ADGRG1: variants seen among roughly 807,000 people sequenced by gnomAD.
ADGRG1 encodes the protein adhesion G protein-coupled receptor G1, also known as 7-transmembrane protein with no EGF-like N-terminal domains-1.
Under a neutral mutation model 73.5 loss-of-function variants are expected in ADGRG1, and 53 were observed. The ratio of observed to expected loss-of-function variants is 0.72; its 90% CI spans 0.58 to 0.91. The LOEUF (loss-of-function observed/expected upper bound fraction) is 0.91. Among genes scored for constraint, ADGRG1 ranks in the 40% least tolerant of loss-of-function variants. ADGRG1 has a pLI of 0.00. For synonymous variants in ADGRG1, 394 were observed against 374.4 expected, an observed-to-expected ratio of 1.05 and a Z score of -0.60; for missense variants, 795 against 871.8, an observed-to-expected ratio of 0.91 and a Z score of 1.11.
At chr16:57,640,906 C>T in intron 1 of ADGRG1, 1 of 985,544 alleles carries the variant, frequency 1.0e-6, no homozygotes, top group Non-Finnish European at 1.2e-6. Context: ...ACTGGGCTGA[C>T]CTTGCGGGCC....
chr16:57,661,563 A>G (rs1398287382), intron 12 of ADGRG1, 134 bp from the exon 13 acceptor site: 4 of 1,507,368 alleles, frequency 2.7e-6, no homozygotes, highest in East Asian at 2.5e-5. Flanking sequence ...TTAAAATTAC[A>G]TCAACACTGT....
At chr16:57,651,101 G>GGCTCCAGGTTCACATGTACTCA in intron 2 of ADGRG1, 99 bp from the exon 3 acceptor site, 1 of 1,602,026 alleles carries the variant, frequency 6.2e-7, no homozygotes, top group Non-Finnish European at 8.5e-7. Context: ...GTGAATCTCA[G>GGCTCCAGGTTCACATGTACTCA]GCTCCAGGTT....
At chr16:57,624,222 G>C, upstream of ADGRG1, 1 of 961,594 alleles carries the variant, frequency 1.0e-6, no homozygotes, top group Non-Finnish European at 1.2e-6. Flanking sequence ...CTCTGAGGCT[G>C]GGCGCAGTGG....
rs372104123 is a variant in ADGRG1, at chr16:57,653,858, T to TCTCTGC, written c.621-105_621-100dup. 1.2e-4 allele frequency: 191 copies of TCTCTGC among 1,583,016 alleles called. No homozygotes were observed. The African/African-American group carries it at 1.6e-3, about 14-fold the overall frequency. On this transcript the variant is annotated intron_variant, in intron 4 of 13. Transcript: ENST00000562631. ...CTCTCTCTTGCCCACCCCACCCCTC[T>TCTCTGC]CTCTGCCTCTGCCTCTGCCTCTGCC...
Position 57,636,008 on chromosome 16 carries a change from A to T in ADGRG1, c.-36+7206A>T, listed in dbSNP as rs1173419986. The T allele has an allele frequency of 8.1e-6, 8 of 985,062 alleles. No homozygotes were observed. The African/African-American group carries it at 1.2e-4, about 15-fold the overall frequency. 61.0% of individuals were successfully genotyped at this position (985,062 alleles called of 1,614,324 possible). Reference sequence around the variant, plus strand: ...CTCTGCAGACTAGTCCTCGGGACACACCCCACCCCCAGCCTGCTAGATCGC... The same window carrying T: ...CTCTGCAGACTAGTCCTCGGGACACTCCCCACCCCCAGCCTGCTAGATCGC... On this transcript the variant is annotated intron_variant, in intron 1 of 13. Coordinates refer to ENST00000562631, the MANE Select transcript of ADGRG1 (RefSeq NM_201525.4).
At chr16:57,629,298 C>G (rs568136809) in intron 1 of ADGRG1, 21 of 354,806 alleles carry the variant, frequency 5.9e-5, no homozygotes, top group Non-Finnish European at 8.3e-5. Context: ...CGACACCTCC[C>G]GGGGCTCCCA....
chr16:57,655,264 G>A, intron 5 of ADGRG1, 135 bp from the exon 6 acceptor site: 1 of 1,567,800 alleles, frequency 6.4e-7, no homozygotes, highest in Non-Finnish European at 8.6e-7. Flanking sequence ...TCATGAGTCA[G>A]GCTTGACTTC....
At chr16:57,625,057 C>T (rs1049091019), upstream of ADGRG1, among the ~76,000 whole-genome samples, 14 of 152,178 alleles carry the variant, frequency 9.2e-5, no homozygotes, top group South Asian at 4.2e-4. Flanking sequence ...TCACAGACTC[C>T]GGGCTCAGAG....
intron 1 of ADGRG1, chr16:57,631,337 G>A: frequency 1.0e-6 from 1 of 985,748 alleles, no homozygotes; most frequent in Non-Finnish European, 1.2e-6. Context: ...CTGGGATGCG[G>A]GTTCCGCCAT....
At chr16:57,647,409 G>A (rs1215558714) in intron 1 of ADGRG1, 8 of 985,042 alleles carry the variant, frequency 8.1e-6, no homozygotes, top group South Asian at 4.7e-5. Context: ...GGCCCAGGGG[G>A]CTGAGTTAGG....
At chr16:57,658,001 C>T (rs768914654) in intron 10 of ADGRG1, among the ~76,000 whole-genome samples, 86 of 152,094 alleles carry the variant, frequency 5.7e-4, no homozygotes, top group Non-Finnish European at 1.1e-3. Context: ...CTCAGCCCCC[C>T]GAAGCGCTGG....
Position 57,635,183 on chromosome 16 carries a change from A to G in ADGRG1, c.-36+6381A>G, listed in dbSNP as rs182939591. 2.4e-4 allele frequency: 238 copies of G among 985,346 alleles called. No homozygotes were observed. In the African/African-American group the frequency reaches 4.0e-3, roughly 16 times the overall value. The allele number at this position is 985,346 out of a possible 1,614,324, so 61.0% of individuals were successfully genotyped here. A position where few individuals can be genotyped will look rare whatever the true frequency, so the allele number is the denominator to read the frequency against. ...CCTGAATAGGGGCATTCCTGACCCCATGGCACTTCCCCTGCCCCCCACCTG... is the reference window on the plus strand; with the variant it reads ...CCTGAATAGGGGCATTCCTGACCCCGTGGCACTTCCCCTGCCCCCCACCTG... On this transcript the variant is annotated intron_variant, in intron 1 of 13. Transcript: ENST00000562631.
Position 57,635,724 on chromosome 16 carries a change from G to A in ADGRG1, c.-36+6922G>A, listed in dbSNP as rs1232682941. 3.0e-6 allele frequency: 3 copies of A among 985,236 alleles called. No homozygotes were observed. The African/African-American group carries it at 5.2e-5, about 17-fold the overall frequency. The allele number at this position is 985,236 out of a possible 1,614,324, so 61.0% of individuals were successfully genotyped here. ...TTTCCCTCTCTATGGAGTAGCTGCTGCCGACTCTCCATGTCGTTGCCAGGG... is the reference window on the plus strand; with the variant it reads ...TTTCCCTCTCTATGGAGTAGCTGCTACCGACTCTCCATGTCGTTGCCAGGG... On this transcript the variant is annotated intron_variant, in intron 1 of 13. Coordinates refer to ENST00000562631, the MANE Select transcript of ADGRG1 (RefSeq NM_201525.4).
At chr16:57,627,158 A>C, upstream of ADGRG1, 1 of 930,270 alleles carries the variant, frequency 1.1e-6, no homozygotes. Flanking sequence ...GCTTGATTTC[A>C]AGCAGGTAGG....
At chr16:57,639,684 G>A (rs1424504593) in intron 1 of ADGRG1, 10 of 983,364 alleles carry the variant, frequency 1.0e-5, no homozygotes, top group South Asian at 4.7e-5. Context: ...CGATTCTCCC[G>A]CCTCCTCTCC....
intron 13 of ADGRG1, among the ~76,000 whole-genome samples, 173 bp downstream of exon 13, chr16:57,662,138 A>T (rs978071762): frequency 7.9e-5 from 12 of 152,180 alleles, no homozygotes; most frequent in Non-Finnish European, 1.6e-4. Flanking sequence ...AGCACCTACT[A>T]TGTGCAGGCC....
chr16:57,648,718 C>G (rs2043275559), intron 1 of ADGRG1: 1 of 984,252 alleles, frequency 1.0e-6, no homozygotes, highest in African/African-American at 1.7e-5. Flanking sequence ...GCCTCTGTCA[C>G]TGTGGCCAGC....
intron 1 of ADGRG1, chr16:57,641,210 C>T: frequency 2.3e-6 from 2 of 873,182 alleles, no homozygotes; most frequent in Non-Finnish European, 2.7e-6. Flanking sequence ...ACAGGCTGGC[C>T]TCAAGATTCC....
chr16:57,647,219 C>T, intron 1 of ADGRG1: 2 of 985,412 alleles, frequency 2.0e-6, no homozygotes, highest in East Asian at 1.1e-4. Context: ...CCCAGCTCTC[C>T]TGTCCCAACG....
Sources: gnomAD v4.1 joint callset for allele counts (sites outside exome capture counted in the v4.1 genomes callset) on GRCh38, gnomAD v4.1.1 for gene constraint, MANE v1.5 for transcripts, NCBI Gene and HGNC (gene_info 2026-07-23, HGNC 2026-07-21) for gene names.